B4GALT6: variants seen among roughly 807,000 people sequenced by gnomAD.
The protein encoded by B4GALT6 is UDP-Gal:beta-GlcNAc beta-1,4-galactosyltransferase 6.
In B4GALT6, 14 loss-of-function variants were observed where a neutral mutation model predicts 46.3. That is an observed-to-expected ratio of 0.30 (90% CI 0.20 to 0.47). The LOEUF is 0.47. B4GALT6 is among the 20% of genes least tolerant of loss of function. The probability of loss-of-function intolerance (pLI) is 0.99; values close to 1 mark genes in which losing one functional copy is unlikely to be tolerated. For synonymous variants in B4GALT6, 168 were observed against 162.0 expected, an observed-to-expected ratio of 1.04 and a Z score of -0.28; for missense variants, 386 against 480.1, an observed-to-expected ratio of 0.80 and a Z score of 1.83.
intron 4 of B4GALT6, among the ~76,000 whole-genome samples, chr18:31,640,557 T>A (rs2073917160): frequency 6.6e-6 from 1 of 152,208 alleles, no homozygotes; most frequent in Non-Finnish European, 1.5e-5. Flanking sequence ...GATGTTTTCA[T>A]GATAATAATT....
the B4GALT6 span, among the ~76,000 whole-genome samples, chr18:31,709,113 A>G: frequency 6.6e-6 from 1 of 152,194 alleles, no homozygotes; most frequent in South Asian, 2.1e-4. Flanking sequence ...TGTGAGCTAG[A>G]TTAATCTACA....
intron 5 of B4GALT6, among the ~76,000 whole-genome samples, chr18:31,635,683 T>C (rs570033319): frequency 6.6e-6 from 1 of 152,214 alleles, no homozygotes; most frequent in African/African-American, 2.4e-5. Flanking sequence ...CCAGGCATGA[T>C]GGTGGGTGCC....
At chr18:31,655,715 T>C (rs145196144) in intron 3 of B4GALT6, among the ~76,000 whole-genome samples, 1 of 152,316 alleles carries the variant, frequency 6.6e-6, no homozygotes, top group African/African-American at 2.4e-5. Context: ...ATTATGAAGA[T>C]GAAATTATTG....
At chr18:31,678,516 A>G (rs1214952472) in intron 1 of B4GALT6, among the ~76,000 whole-genome samples, 1 of 152,202 alleles carries the variant, frequency 6.6e-6, no homozygotes, top group Non-Finnish European at 1.5e-5. Context: ...AGTTCCTTCA[A>G]CTCGGGCACA....
chr18:31,633,207 T>G (rs1196072271), intron 5 of B4GALT6, among the ~76,000 whole-genome samples: 1 of 152,136 alleles, frequency 6.6e-6, no homozygotes, highest in Non-Finnish European at 1.5e-5. Context: ...TTTCCTAGAA[T>G]TCCCAGTATC....
rs2073650982 is a variant in B4GALT6 at position 31,623,905 on chromosome 18, C to G, written c.*1709G>C. 6.6e-6 allele frequency: 1 copy of G among 151,948 alleles called. No individual in the cohort carries two copies. The highest frequency in any genetic ancestry group is 1.5e-5 in the Non-Finnish European group (1 of 67,832). The allele number at this position is 151,948 out of a possible 1,614,324, so 9.4% of individuals were successfully genotyped here. A position where few individuals can be genotyped will look rare whatever the true frequency, so the allele number is the denominator to read the frequency against. On this transcript the variant is annotated 3_prime_UTR_variant, in exon 9 of 9. Coordinates refer to ENST00000306851, the MANE Select transcript of B4GALT6 (RefSeq NM_004775.5). ...TGTTTTAGGTAAACAATCCTTGAGGCAAATATTATCCAAACGTTTCTCATA... is the reference window on the plus strand; with the variant it reads ...TGTTTTAGGTAAACAATCCTTGAGGGAAATATTATCCAAACGTTTCTCATA...
At chr18:31,697,631 C>T in the B4GALT6 span, among the ~76,000 whole-genome samples, 3 of 152,142 alleles carry the variant, frequency 2.0e-5, no homozygotes, top group African/African-American at 7.2e-5. Context: ...AAACTAAATT[C>T]CTCCCATAGT....
the B4GALT6 span, among the ~76,000 whole-genome samples, chr18:31,712,287 A>ATTGGTTT: frequency 1.2e-5 from 1 of 84,642 alleles, no homozygotes; most frequent in Non-Finnish European, 2.1e-5. Context: ...CTGGGACGTT[A>ATTGGTTT]TTTTTTTTTT....
At chr18:31,645,128 G>A (rs1222479317) in intron 4 of B4GALT6, among the ~76,000 whole-genome samples, 5 of 151,704 alleles carry the variant, frequency 3.3e-5, no homozygotes, top group African/African-American at 1.2e-4. Context: ...AACTCAAAGA[G>A]AATGAACCGA....
At chr18:31,664,162 C>CACCAAGACGGCACCCA (rs11272422) in intron 2 of B4GALT6, among the ~76,000 whole-genome samples, 17 of 152,130 alleles carry the variant, frequency 1.1e-4, no homozygotes, top group Admixed American at 3.9e-4. Context: ...CAAGTTCAAA[C>CACCAAGACGGCACCCA]AGCAGCCATC....
chr18:31,626,456 T>A, intron 7 of B4GALT6, 72 bp from the exon 8 acceptor site: 1 of 837,214 alleles, frequency 1.2e-6, no homozygotes, highest in Non-Finnish European at 1.9e-6. Flanking sequence ...AGTTCAATTT[T>A]AAAACACAAA....
At chr18:31,708,767 A>G in the B4GALT6 span, among the ~76,000 whole-genome samples, 1 of 152,076 alleles carries the variant, frequency 6.6e-6, no homozygotes, top group Admixed American at 6.6e-5. Context: ...AAATAAGAAA[A>G]GATTAGATAG....
the B4GALT6 span, among the ~76,000 whole-genome samples, chr18:31,715,537 CTTTTTTTTTTTTTTTTT>C: frequency 4.0e-5 from 2 of 49,628 alleles, no homozygotes; most frequent in East Asian, 8.6e-4. Context: ...CTGGAACTGT[CTTTTTTTTTTTTTTTTT>C]TTTTTTTTTT....
At chr18:31,706,700 T>C in the B4GALT6 span, among the ~76,000 whole-genome samples, 2 of 152,218 alleles carry the variant, frequency 1.3e-5, no homozygotes, top group East Asian at 3.8e-4. Context: ...CATAATTTTA[T>C]GGTTAATGTT....
At chr18:31,707,970 T>C in the B4GALT6 span, among the ~76,000 whole-genome samples, 1 of 152,332 alleles carries the variant, frequency 6.6e-6, no homozygotes, top group African/African-American at 2.4e-5. Context: ...TTATGGACAT[T>C]TACCAGTGTC....
At chr18:31,669,092 T>C (rs894647001) in intron 1 of B4GALT6, among the ~76,000 whole-genome samples, 1 of 152,188 alleles carries the variant, frequency 6.6e-6, no homozygotes, top group Admixed American at 6.5e-5. Flanking sequence ...TGTTGATTTG[T>C]TGAATGCCTG....
At chr18:31,701,957 T>A in the B4GALT6 span, among the ~76,000 whole-genome samples, 1 of 152,064 alleles carries the variant, frequency 6.6e-6, no homozygotes, top group Non-Finnish European at 1.5e-5. Flanking sequence ...CATAATATTT[T>A]AAAAAGCACT....
At chr18:31,629,502 G>A (rs1242471057) in intron 6 of B4GALT6, among the ~76,000 whole-genome samples, 6 of 91,104 alleles carry the variant, frequency 6.6e-5, no homozygotes, top group Non-Finnish European at 1.2e-4. Flanking sequence ...CGGTTACCCT[G>A]GATCTAATGT....
At chr18:31,680,895 T>C (rs2074472372) in intron 1 of B4GALT6, among the ~76,000 whole-genome samples, 1 of 152,200 alleles carries the variant, frequency 6.6e-6, no homozygotes, top group South Asian at 2.1e-4. Flanking sequence ...TCCCATTTTC[T>C]AGAAGCTTTG....
Sources: gnomAD v4.1 joint callset for allele counts (sites outside exome capture counted in the v4.1 genomes callset) on GRCh38, gnomAD v4.1.1 for gene constraint, MANE v1.5 for transcripts, NCBI Gene and HGNC (gene_info 2026-07-23, HGNC 2026-07-21) for gene names.